The following CHMP4A variants were observed in gnomAD, a reference collection of about 807,000 sequenced individuals.
CHMP4A encodes SNF7 homolog associated with Alix-2.
Under a neutral mutation model 28.2 loss-of-function variants are expected in CHMP4A, and 29 were observed. That is an observed-to-expected ratio of 1.03 (90% CI 0.77 to 1.40). The LOEUF is 1.40. Among genes scored for constraint, CHMP4A ranks in the 40% most tolerant of loss-of-function variants. CHMP4A has a pLI of 0.00. For synonymous variants in CHMP4A, 88 were observed against 99.3 expected (o/e 0.89, Z 0.67); for missense variants, 241 against 263.5 (o/e 0.91, Z 0.59).
chr14:24,209,684 C>A lies in CHMP4A; in HGVS notation c.*193G>T. 1.6e-6 allele frequency: 1 copy of A among 619,240 alleles called. No homozygotes were observed. Among genetic ancestry groups the A allele is most frequent in the South Asian group, 1.9e-5 (1 of 54,042 alleles). The allele number at this position is 619,240 out of a possible 1,614,324, so 38.4% of individuals were successfully genotyped here. A position where few individuals can be genotyped will look rare whatever the true frequency, so the allele number is the denominator to read the frequency against. ...TATCAAAGAGAAGGGAGCCCAAGGG[C>A]TCCTTCTGTAGCAAGATCCTTCTTC... On this transcript the variant is annotated 3_prime_UTR_variant, in exon 6 of 6. Transcript: ENST00000347519.
intron 1 of CHMP4A, chr14:24,212,501 C>A: frequency 2.9e-6 from 1 of 340,616 alleles, no homozygotes; most frequent in Non-Finnish European, 5.6e-6. Flanking sequence ...ATTCTCCTGC[C>A]TCAGCCTCCC....
rs755272045 is a variant in CHMP4A, at chr14:24,213,382, T to C, written c.31+27A>G. 9 of 1,554,018 alleles carry C rather than the reference T, an allele frequency of 5.8e-6. No homozygotes were observed. The Admixed American group carries it at 8.4e-5, about 15-fold the overall frequency. ...TTCCCCTGCACCAGCCAGCGCCTCCTGGCTGGCCAGTCCCACCCTGGCTCA... is the reference window on the plus strand; with the variant it reads ...TTCCCCTGCACCAGCCAGCGCCTCCCGGCTGGCCAGTCCCACCCTGGCTCA... On this transcript the variant is annotated intron_variant, in intron 1 of 5. Coordinates refer to ENST00000347519, the MANE Select transcript of CHMP4A (RefSeq NM_014169.5).
Position 24,210,727 on chromosome 14 carries a change from TC to T in CHMP4A, c.400del (p.Glu134AsnfsTer32). 1 of 1,614,172 alleles carries T rather than the reference TC, an allele frequency of 6.2e-7. No individual in the cohort carries two copies. Among genetic ancestry groups the T allele is most frequent in the African/African-American group, 1.3e-5 (1 of 75,032 alleles). Reference protein sequence around the residue: ...KVDELMTDITEQQEVAQQISD... With the variant: ...KVDELMTDITXQQEVAQQISD... ...GATCTGCTGGGCCACCTCCTGTTGT[TC>T]CGTGATGTCAGTCATCAGTTCATCT... On this transcript the variant is annotated frameshift_variant, in exon 4 of 6. Coordinates refer to ENST00000347519, the MANE Select transcript of CHMP4A (RefSeq NM_014169.5). LOFTEE classifies it high-confidence loss of function.
intron 2 of CHMP4A, 23 bp from the exon 3 acceptor site, chr14:24,211,615 C>T (rs1049395453): frequency 1.9e-6 from 3 of 1,610,390 alleles, no homozygotes; most frequent in South Asian, 1.1e-5. Context: ...ATACCCTGAA[C>T]ATCAAGAGTC....
At chr14:24,213,238 G>T in intron 1 of CHMP4A, 171 bp downstream of exon 1, 2 of 736,234 alleles carry the variant, frequency 2.7e-6, no homozygotes, top group Non-Finnish European at 4.1e-6. Flanking sequence ...TGTGCCTTTT[G>T]GCACCGGCGA....
chr14:24,210,841 A>G, intron 3 of CHMP4A, 73 bp from the exon 4 acceptor site: 1 of 1,093,714 alleles, frequency 9.1e-7, no homozygotes, highest in Non-Finnish European at 1.4e-6. Flanking sequence ...CATGAATGAA[A>G]CCCCTCCTGC....
At chr14:24,211,300 A>G (rs2039588476) in intron 3 of CHMP4A, 115 bp downstream of exon 3, 2 of 914,336 alleles carry the variant, frequency 2.2e-6, no homozygotes, top group Non-Finnish European at 3.2e-6. Context: ...ATGTCTAGCC[A>G]TCACAAGTAT....
Position 24,213,468 on chromosome 14 carries a change from C to T in CHMP4A, c.-29G>A. On this transcript the variant is annotated 5_prime_UTR_variant, in exon 1 of 6. Coordinates refer to ENST00000347519, the MANE Select transcript of CHMP4A (RefSeq NM_014169.5). ...GAGCTCGCCTCTCCCGCCTCCGCCC[C>T]TCAGCGTCCTCCAGACTTCCGCCTT... is the stretch of plus-strand genomic sequence containing the variant. The T allele has an allele frequency of 6.2e-7, 1 of 1,613,144 alleles. No individual in the cohort carries two copies. Among genetic ancestry groups the T allele is most frequent in the Non-Finnish European group, 8.5e-7 (1 of 1,179,722 alleles).
At chr14:24,211,369 C>T in intron 3 of CHMP4A, 46 bp downstream of exon 3, 1 of 1,535,148 alleles carries the variant, frequency 6.5e-7, no homozygotes, top group Non-Finnish European at 8.9e-7. Context: ...TAGCAAGCCA[C>T]TCTTCCCAGT....
In CHMP4A at chr14:24,211,639, T is replaced by C. The variant is rs762970351; in HGVS notation, c.181+41A>G. On this transcript the variant is annotated intron_variant, in intron 2 of 5. Coordinates refer to ENST00000347519, the MANE Select transcript of CHMP4A (RefSeq NM_014169.5). ...ACATCAAGAGTCAGAAGCACCTGCT[T>C]CCCATCTGGGCCCTCCCCATAGGCT... 1.2e-5 allele frequency: 20 copies of C among 1,610,658 alleles called. 1 individual carries two copies. The African/African-American group carries it at 1.5e-4, about 12-fold the overall frequency.
chr14:24,209,740 A>T lies in CHMP4A; in HGVS notation c.*137T>A, dbSNP rs547228975. On this transcript the variant is annotated 3_prime_UTR_variant, in exon 6 of 6. Transcript: ENST00000347519. ...TGAGCCAGGGCTGGGAGGGTAAGAG[A>T]CCCTTTTTTCAGGCAGGGTCACACT... 3 of 783,952 alleles carry T rather than the reference A, an allele frequency of 3.8e-6. No individual in the cohort carries two copies. The highest frequency in any genetic ancestry group is 3.4e-5 in the African/African-American group (2 of 58,266). The allele number at this position is 783,952 out of a possible 1,614,324, so 48.6% of individuals were successfully genotyped here.
intron 3 of CHMP4A, chr14:24,210,978 G>C (rs2039586305): frequency 3.7e-6 from 2 of 540,648 alleles, no homozygotes; most frequent in Non-Finnish European, 6.7e-6. Context: ...GAGGTCAGGA[G>C]TTCAAGACCA....
chr14:24,213,345 C>A, intron 1 of CHMP4A, 64 bp downstream of exon 1: 1 of 1,463,944 alleles, frequency 6.8e-7, no homozygotes, highest in African/African-American at 1.5e-5. Context: ...CGAATCTCGC[C>A]GGGGTCTCCT....
Position 24,211,584 on chromosome 14 carries a change from G to GT in CHMP4A, c.189dup (p.Gln64ThrfsTer17), listed in dbSNP as rs768815816. On this transcript the variant is annotated frameshift_variant, in exon 3 of 6. Transcript: ENST00000347519. LOFTEE classifies it high-confidence loss of function. ...AATCTTTTCTTCCTCCGCAAAGCCT[G>GT]TAGGGCAGCTGACCCAGCCCATACC... 1.2e-6 allele frequency: 2 copies of GT among 1,612,328 alleles called. No homozygotes were observed. The highest frequency in any genetic ancestry group is 1.7e-5 in the Admixed American group (1 of 60,000).
intron 5 of CHMP4A, 104 bp downstream of exon 5, chr14:24,210,244 C>T: frequency 6.9e-7 from 1 of 1,449,990 alleles, no homozygotes; most frequent in Admixed American, 2.0e-5. Context: ...CAGCAGCAGC[C>T]CTTTCTGTGT....
chr14:24,211,476 C>T lies in CHMP4A; in HGVS notation c.298G>A (p.Ala100Thr). ...AGCTCCATGGTACGAAGGACTTCTG[C>T]ATTGGTAGTGGCATTCTCAATGGCC... is the stretch of plus-strand genomic sequence containing the variant. ...REAIENATTNAEVLRTMELAA... is the reference protein window; with the variant it reads ...REAIENATTNTEVLRTMELAA... The change falls in exon 3 of 6, where the codon GCA becomes ACA. Residue 100 changes from alanine to threonine, a missense_variant. Coordinates refer to ENST00000347519, the MANE Select transcript of CHMP4A (RefSeq NM_014169.5). 6.2e-7 allele frequency: 1 copy of T among 1,614,040 alleles called. No individual in the cohort carries two copies. Among genetic ancestry groups the T allele is most frequent in the Non-Finnish European group, 8.5e-7 (1 of 1,179,914 alleles).
At chr14:24,212,588 TC>T in intron 1 of CHMP4A, 1 of 402,134 alleles carries the variant, frequency 2.5e-6, no homozygotes, top group Non-Finnish European at 4.8e-6. Flanking sequence ...GGAGTCTCCC[TC>T]TGTCACCAAG....
Position 24,213,467 on chromosome 14 carries a change from C to T in CHMP4A, c.-28G>A, listed in dbSNP as rs1186010185. ...CGAGCTCGCCTCTCCCGCCTCCGCC[C>T]CTCAGCGTCCTCCAGACTTCCGCCT... On this transcript the variant is annotated 5_prime_UTR_variant, in exon 1 of 6. Transcript: ENST00000347519. 1 of 1,613,038 alleles carries T rather than the reference C, an allele frequency of 6.2e-7. No homozygotes were observed. The highest frequency in any genetic ancestry group is 1.1e-5 in the South Asian group (1 of 90,860).
chr14:24,210,067 CCTT>C (rs2039577612), intron 5 of CHMP4A, 132 bp from the exon 6 acceptor site: 3 of 919,268 alleles, frequency 3.3e-6, no homozygotes, highest in South Asian at 1.4e-5. Flanking sequence ...AAGGTATGGT[CCTT>C]CTGCTTGCTA....
Sources: gnomAD v4.1 joint callset for allele counts on GRCh38, gnomAD v4.1.1 for gene constraint, MANE v1.5 for transcripts, NCBI Gene and HGNC (gene_info 2026-07-23, HGNC 2026-07-21) for gene names.